FOXP4: variants seen among roughly 807,000 people sequenced by gnomAD.
FOXP4 encodes forkhead box P4.
A neutral mutation model predicts 82.6 loss-of-function variants in FOXP4; 25 were observed. The ratio of observed to expected loss-of-function variants is 0.30; its 90% CI spans 0.22 to 0.42. The LOEUF (loss-of-function observed/expected upper bound fraction) is 0.42. Among genes scored for constraint, FOXP4 ranks in the 10% least tolerant of loss-of-function variants. The pLI is 1.00. For synonymous variants in FOXP4, 415 were observed against 388.2 expected (o/e 1.07, Z -0.81); for missense variants, 785 against 900.9 (o/e 0.87, Z 1.65).
rs1398743119 is a variant in FOXP4, at chr6:41,599,163, C to T, written c.*227C>T. 9 of 540,116 alleles carry T rather than the reference C, an allele frequency of 1.7e-5. No individual in the cohort carries two copies. Among genetic ancestry groups the T allele is most frequent in the African/African-American group, 3.9e-5 (2 of 51,888 alleles). 33.5% of individuals were successfully genotyped at this position (540,116 alleles called of 1,614,324 possible). A position where few individuals can be genotyped will look rare whatever the true frequency, so the allele number is the denominator to read the frequency against. ...CCTGGTCTTGGACCAGTAGAGGACACGGAGGGTTCAGACCCCTCCTCAGAC... is the reference window on the plus strand; with the variant it reads ...CCTGGTCTTGGACCAGTAGAGGACATGGAGGGTTCAGACCCCTCCTCAGAC... On this transcript the variant is annotated 3_prime_UTR_variant, in exon 17 of 17. Transcript: ENST00000307972.
chr6:41,578,199 C>T (rs967731893), intron 3 of FOXP4, 118 bp downstream of exon 3: 8 of 797,924 alleles, frequency 1.0e-5, no homozygotes, highest in Non-Finnish European at 1.6e-5. Flanking sequence ...AAAAAGTGGG[C>T]AACTTTTCAA....
rs1211993546 is a variant in FOXP4 at position 41,593,599 on chromosome 6, C to T, written c.1537-1271C>T. ...ATTGGGGTCATTCTCATTTGCAAAG[C>T]GGAGGATCGGAGCCCCGTAATGCGG... is the stretch of plus-strand genomic sequence containing the variant. On this transcript the variant is annotated intron_variant, in intron 13 of 16. Coordinates refer to ENST00000307972, the MANE Select transcript of FOXP4 (RefSeq NM_001012426.2). The surrounding 1 kb of genome is among the most constrained non-coding windows in gnomAD (Gnocchi z 4.1). Among the ~76,000 whole-genome samples the T allele has an allele frequency of 6.6e-6, 1 of 152,208 alleles. No homozygotes were observed. The highest frequency in any genetic ancestry group is 2.1e-4 in the South Asian group (1 of 4,830).
chr6:41,552,025 G>A (rs1444034228), intron 1 of FOXP4, among the ~76,000 whole-genome samples: 2 of 152,230 alleles, frequency 1.3e-5, no homozygotes, highest in Non-Finnish European at 2.9e-5. Context: ...CAGGACATGT[G>A]TGCCACCCAG....
At chr6:41,584,149 A>C (rs1302408729) in intron 3 of FOXP4, among the ~76,000 whole-genome samples, 2 of 152,202 alleles carry the variant, frequency 1.3e-5, no homozygotes, top group African/African-American at 2.4e-5. Flanking sequence ...GATGGCACCA[A>C]GAGCGCTCTG....
In FOXP4 at chr6:41,597,156, T is replaced by C. The variant is rs750393494; in HGVS notation, c.1659-20T>C. The C allele has an allele frequency of 1.2e-6, 2 of 1,613,812 alleles. No individual in the cohort carries two copies. The highest frequency in any genetic ancestry group is 1.7e-6 in the Non-Finnish European group (2 of 1,179,740). ...GCTAAGTGAATGAGTGAGCCAAAGA[T>C]GGCCTTCTCTGTCCTCCAGGAGCCC... On this transcript the variant is annotated intron_variant, in intron 14 of 16. Transcript: ENST00000307972.
intron 1 of FOXP4, among the ~76,000 whole-genome samples, chr6:41,559,865 G>T (rs1764468358): frequency 6.6e-6 from 1 of 152,108 alleles, no homozygotes; most frequent in African/African-American, 2.4e-5. Context: ...AGACCTGTTG[G>T]GTTAGCAACT....
At position 41,590,328 on chromosome 6, in the gene FOXP4, ACGCCTCCCT is replaced by A. The variant is rs1561802744; in HGVS notation, c.1417_1425del (p.Ala473_Leu475del). 6.2e-7 allele frequency: 1 copy of A among 1,613,636 alleles called. No homozygotes were observed. The highest frequency in any genetic ancestry group is 8.5e-7 in the Non-Finnish European group (1 of 1,179,946). On this transcript the variant is annotated inframe_deletion, in exon 12 of 17. Transcript: ENST00000307972. ...GCCGACGTCCGGCCCCCCTTCACCT[ACGCCTCCCT>A]CATCCGCCAGGTGAGCAGGGCAGGT...
intron 1 of FOXP4, among the ~76,000 whole-genome samples, chr6:41,557,628 GA>G (rs1164367154): frequency 6.6e-6 from 1 of 152,180 alleles, no homozygotes; most frequent in East Asian, 1.9e-4. Context: ...GTGGTGAGTG[GA>G]AAAAGACGAA....
intron 1 of FOXP4, among the ~76,000 whole-genome samples, chr6:41,556,338 T>C (rs1433559752): frequency 9.2e-5 from 14 of 151,648 alleles, no homozygotes; most frequent in Admixed American, 9.2e-4. Context: ...TTTTTTTTTT[T>C]TTTGAAATGG....
At chr6:41,577,950 TCCCAGGCC>T in intron 2 of FOXP4, 28 bp from the exon 3 acceptor site, 2 of 1,542,922 alleles carry the variant, frequency 1.3e-6, no homozygotes, top group Non-Finnish European at 1.8e-6. Context: ...CCACCCAGCC[TCCCAGGCC>T]ATTGCTGACT....
chr6:41,589,468 G>A (rs976133579), intron 9 of FOXP4, among the ~76,000 whole-genome samples: 11 of 152,246 alleles, frequency 7.2e-5, no homozygotes, highest in African/African-American at 2.7e-4. Context: ...GGGTGGGTAG[G>A]AAGAAGCCTC....
At chr6:41,583,174 GATAGGGGAGT>G (rs767755517) in intron 3 of FOXP4, among the ~76,000 whole-genome samples, 22 of 152,252 alleles carry the variant, frequency 1.4e-4, no homozygotes, top group Non-Finnish European at 2.2e-4. Flanking sequence ...GATGGGCTGG[GATAGGGGAGT>G]AAAGCCCAGG....
At chr6:41,585,538 C>G in intron 5 of FOXP4, 21 bp downstream of exon 5, 1 of 1,607,674 alleles carries the variant, frequency 6.2e-7, no homozygotes, top group Non-Finnish European at 8.5e-7. Flanking sequence ...GTACCAGGGC[C>G]CACCACCGCC....
intron 2 of FOXP4, among the ~76,000 whole-genome samples, chr6:41,576,122 AGTG>A (rs1765472753): frequency 6.6e-6 from 1 of 150,784 alleles, no homozygotes; most frequent in African/African-American, 2.4e-5. Flanking sequence ...TGCTTTCTGA[AGTG>A]AATCTGGAAG....
rs913917129 is a variant in FOXP4 at position 41,599,389 on chromosome 6, C to G, written c.*453C>G. ...GGCCCCCACTTTCCTAACTCGTGCT[C>G]CCTTCCGCCTTCTTTTCCGTACTGT... On this transcript the variant is annotated 3_prime_UTR_variant, in exon 17 of 17. Coordinates refer to ENST00000307972, the MANE Select transcript of FOXP4 (RefSeq NM_001012426.2). 107 of 159,862 alleles carry G rather than the reference C, an allele frequency of 6.7e-4. 2 individuals are homozygous for G. Among genetic ancestry groups the G allele is most frequent in the Non-Finnish European group, 3.3e-4 (24 of 72,080 alleles). The allele number at this position is 159,862 out of a possible 1,614,324, so 9.9% of individuals were successfully genotyped here. A position where few individuals can be genotyped will look rare whatever the true frequency, so the allele number is the denominator to read the frequency against.
At chr6:41,574,736 C>T (rs2127368348) in intron 2 of FOXP4, among the ~76,000 whole-genome samples, 1 of 152,296 alleles carries the variant, frequency 6.6e-6, no homozygotes, top group South Asian at 2.1e-4. Context: ...GGCCGCAGTG[C>T]CAGCAGGCAG....
Position 41,599,417 on chromosome 6 carries a change from A to G in FOXP4, c.*481A>G, listed in dbSNP as rs1191369096. ...TTCCGCCTTCTTTTCCGTACTGTGA[A>G]GAAAGAACTCTCCACCCCAGCTCCC... On this transcript the variant is annotated 3_prime_UTR_variant, in exon 17 of 17. Coordinates refer to ENST00000307972, the MANE Select transcript of FOXP4 (RefSeq NM_001012426.2). 1 of 156,142 alleles carries G rather than the reference A, an allele frequency of 6.4e-6. No individual in the cohort carries two copies. The highest frequency in any genetic ancestry group is 1.4e-5 in the Non-Finnish European group (1 of 70,178). The allele number at this position is 156,142 out of a possible 1,614,324, so 9.7% of individuals were successfully genotyped here.
chr6:41,561,027 T>G (rs1484534089), intron 1 of FOXP4, among the ~76,000 whole-genome samples: 1 of 152,122 alleles, frequency 6.6e-6, no homozygotes, highest in Non-Finnish European at 1.5e-5. Context: ...TCCAAGGGCG[T>G]CCCTCGTTGC....
At chr6:41,571,659 A>G (rs1765206894) in intron 2 of FOXP4, among the ~76,000 whole-genome samples, 2 of 152,216 alleles carry the variant, frequency 1.3e-5, no homozygotes, top group Non-Finnish European at 2.9e-5. Flanking sequence ...AAAAATTTAC[A>G]GCCTTTTCCA....
Sources: gnomAD v4.1 joint callset for allele counts (sites outside exome capture counted in the v4.1 genomes callset) on GRCh38, gnomAD v4.1.1 for gene constraint, Gnocchi (gnomAD v3.1) non-coding constraint, MANE v1.5 for transcripts, NCBI Gene and HGNC (gene_info 2026-07-23, HGNC 2026-07-21) for gene names.